Variants in PLXDC2 observed in about 807,000 individuals in gnomAD.
The protein encoded by PLXDC2 is plexin domain-containing protein 2.
A neutral mutation model predicts 68.9 loss-of-function variants in PLXDC2; 40 were observed. The ratio of observed to expected loss-of-function variants is 0.58; its 90% CI spans 0.45 to 0.76. PLXDC2 has a LOEUF of 0.76. Among genes scored for constraint, PLXDC2 ranks in the 30% least tolerant of loss-of-function variants. The pLI is 0.00. For synonymous variants in PLXDC2, 243 were observed against 234.2 expected, an observed-to-expected ratio of 1.04 and a Z score of -0.34; for missense variants, 644 against 661.9, an observed-to-expected ratio of 0.97 and a Z score of 0.30.
intron 1 of PLXDC2, among the ~76,000 whole-genome samples, chr10:19,866,098 A>G (rs534926008): frequency 1.3e-5 from 2 of 152,328 alleles, no homozygotes; most frequent in South Asian, 4.1e-4. Context: ...TTGGCTCTTT[A>G]GAATGATTGA....
chr10:19,886,369 A>C (rs570721885), intron 1 of PLXDC2, among the ~76,000 whole-genome samples: 14 of 152,122 alleles, frequency 9.2e-5, no homozygotes, highest in Non-Finnish European at 1.8e-4. Flanking sequence ...TGATGCAAAA[A>C]TCCTCAATAA....
At chr10:20,072,519 G>GAAAGAAAGA (rs1242435477) in intron 4 of PLXDC2, among the ~76,000 whole-genome samples, 7 of 100,148 alleles carry the variant, frequency 7.0e-5, no homozygotes, top group Non-Finnish European at 1.7e-5. Context: ...AAGAAAGAAA[G>GAAAGAAAGA]AAAGAAAGAA....
chr10:20,044,717 A>G (rs1247136574), intron 2 of PLXDC2, among the ~76,000 whole-genome samples: 1 of 152,114 alleles, frequency 6.6e-6, no homozygotes, highest in Non-Finnish European at 1.5e-5. Context: ...CATCTCCACA[A>G]TCAGAACAAG....
chr10:20,049,304 C>G (rs1341101395), intron 3 of PLXDC2, among the ~76,000 whole-genome samples: 2 of 152,088 alleles, frequency 1.3e-5, no homozygotes, highest in African/African-American at 4.8e-5. Context: ...TGGCACAACA[C>G]AAGGATGACC....
intron 4 of PLXDC2, among the ~76,000 whole-genome samples, chr10:20,128,220 C>G (rs1368143040): frequency 6.6e-6 from 1 of 152,206 alleles, no homozygotes; most frequent in Non-Finnish European, 1.5e-5. Flanking sequence ...CATAATTTGG[C>G]TGCAGCATGT....
At chr10:20,082,070 A>AC (rs796512739) in intron 4 of PLXDC2, among the ~76,000 whole-genome samples, 15 of 121,988 alleles carry the variant, frequency 1.2e-4, no homozygotes, top group East Asian at 6.0e-4. Flanking sequence ...AAATCAAAAA[A>AC]AAAAAACAGG....
At chr10:20,090,745 G>A (rs764663696) in intron 4 of PLXDC2, among the ~76,000 whole-genome samples, 4 of 152,018 alleles carry the variant, frequency 2.6e-5, no homozygotes, top group African/African-American at 4.8e-5. Context: ...GACAGAAACT[G>A]ACATTACTTA....
rs536363278 is a variant in PLXDC2, at chr10:20,280,644, A to C, written c.*825A>C. On this transcript the variant is annotated 3_prime_UTR_variant, in exon 14 of 14. Coordinates refer to ENST00000377252, the MANE Select transcript of PLXDC2 (RefSeq NM_032812.9). ...CCTTACCTCCAATCCCCAACTGTTA[A>C]GTCCCATGAAACCACAGTTGCTCTG... The C allele has an allele frequency of 6.6e-6, 1 of 152,274 alleles. No individual in the cohort carries two copies. Among genetic ancestry groups the C allele is most frequent in the African/African-American group, 2.4e-5 (1 of 41,564 alleles). The allele number at this position is 152,274 out of a possible 1,614,324, so 9.4% of individuals were successfully genotyped here.
intron 1 of PLXDC2, among the ~76,000 whole-genome samples, chr10:19,823,138 G>T (rs544594197): frequency 1.3e-5 from 2 of 151,818 alleles, no homozygotes; most frequent in Middle Eastern, 3.2e-3. Context: ...GGATGGTCTC[G>T]ATCTCCTGAC....
intron 3 of PLXDC2, among the ~76,000 whole-genome samples, chr10:20,056,769 G>C (rs1836006811): frequency 6.6e-6 from 1 of 152,000 alleles, no homozygotes. Context: ...CTTTAGTGGA[G>C]GATGAGCACC....
intron 1 of PLXDC2, among the ~76,000 whole-genome samples, chr10:19,990,995 C>G (rs1406567835): frequency 6.6e-6 from 1 of 152,056 alleles, no homozygotes; most frequent in Admixed American, 6.6e-5. Flanking sequence ...GCCTGTAATC[C>G]CAGCACTTTG....
At position 20,214,338 on chromosome 10, in the gene PLXDC2, G is replaced by T. The variant is rs16920111; in HGVS notation, c.1122+2609G>T. ...CTGATCCTATTCTAAGACCTAAATA[G>T]GTGATGTTTTCCCCCAAAGAAGATT... On this transcript the variant is annotated intron_variant, in intron 10 of 13. Transcript: ENST00000377252. 0.03 allele frequency among the ~76,000 whole-genome samples: 4,550 copies of T among 151,866 alleles called. 392 individuals carry two copies. In the East Asian group the frequency reaches 0.36, roughly 12 times the overall value.
Position 19,816,828 on chromosome 10 carries a change from G to A in PLXDC2, c.-252G>A. Reference sequence around the variant, plus strand: ...CTCCTCCCCGCGGTTGTTGTTCAGTGTCGGGTGAGGGCTGCGAGTGTGGCA... The same window carrying A: ...CTCCTCCCCGCGGTTGTTGTTCAGTATCGGGTGAGGGCTGCGAGTGTGGCA... On this transcript the variant is annotated 5_prime_UTR_variant, in exon 1 of 14. Transcript: ENST00000377252. 1 of 560,722 alleles carries A rather than the reference G, an allele frequency of 1.8e-6. No individual in the cohort carries two copies. 34.7% of individuals were successfully genotyped at this position (560,722 alleles called of 1,614,324 possible).
intron 4 of PLXDC2, among the ~76,000 whole-genome samples, chr10:20,077,150 G>T (rs1836465310): frequency 1.3e-5 from 2 of 152,078 alleles, no homozygotes; most frequent in Admixed American, 6.6e-5. Flanking sequence ...GTAGCAGCCA[G>T]GTAGCCTTTT....
chr10:20,078,211 C>T (rs1156714348), intron 4 of PLXDC2, among the ~76,000 whole-genome samples: 1 of 151,828 alleles, frequency 6.6e-6, no homozygotes, highest in African/African-American at 2.4e-5. Context: ...GACTTTATCT[C>T]TTCAGAAAAA....
intron 1 of PLXDC2, among the ~76,000 whole-genome samples, chr10:19,977,983 G>A (rs1834487284): frequency 6.6e-6 from 1 of 152,122 alleles, no homozygotes; most frequent in Non-Finnish European, 1.5e-5. Flanking sequence ...CCAGTTTTCT[G>A]CTAAATTGAG....
chr10:20,208,871 GT>G (rs1835028994), intron 9 of PLXDC2, among the ~76,000 whole-genome samples: 1 of 152,060 alleles, frequency 6.6e-6, no homozygotes, highest in African/African-American at 2.4e-5. Flanking sequence ...GACATCACAT[GT>G]CGGCAGGTTG....
chr10:20,046,413 C>T (rs16919728), intron 2 of PLXDC2, among the ~76,000 whole-genome samples: 8,968 of 152,026 alleles, frequency 0.059, 352 homozygotes, highest in South Asian at 0.21. Flanking sequence ...TTATTCTCCA[C>T]GTTTACATTT....
intron 1 of PLXDC2, among the ~76,000 whole-genome samples, chr10:19,984,563 C>T (rs1280897656): frequency 6.6e-6 from 1 of 152,118 alleles, no homozygotes; most frequent in Admixed American, 6.5e-5. Context: ...TTAATTTATT[C>T]TAGAAGGGAT....
Sources: allele counts gnomAD v4.1 joint callset (sites outside exome capture counted in the v4.1 genomes callset), GRCh38; gene constraint gnomAD v4.1.1; transcripts MANE v1.5; gene names NCBI Gene and HGNC (gene_info 2026-07-23, HGNC 2026-07-21).